RCAN2: variants seen among roughly 807,000 people sequenced by gnomAD.
The protein encoded by RCAN2 is calcipressin-2.
A neutral mutation model predicts 23.6 loss-of-function variants in RCAN2; 9 were observed. The ratio of observed to expected loss-of-function variants is 0.38; its 90% CI spans 0.23 to 0.67. The LOEUF (loss-of-function observed/expected upper bound fraction) is 0.67, where lower values mean the gene tolerates loss of function less well. Ranked by LOEUF, RCAN2 falls within the 30% of genes least tolerant of loss-of-function variation. The pLI is 0.51. For missense variants in RCAN2, 273 were observed against 302.3 expected (o/e 0.90, Z 0.72); for synonymous variants, 109 against 115.7 (o/e 0.94, Z 0.37).
chr6:46,411,687 T>C (rs1382226152), intron 2 of RCAN2, among the ~76,000 whole-genome samples: 2 of 151,780 alleles, frequency 1.3e-5, no homozygotes. Flanking sequence ...AATGTGAGAG[T>C]AAGTCCAATC....
At chr6:46,446,988 T>A (rs192502114) in intron 2 of RCAN2, among the ~76,000 whole-genome samples, 1 of 152,184 alleles carries the variant, frequency 6.6e-6, no homozygotes, top group Non-Finnish European at 1.5e-5. Flanking sequence ...TTCTTACCTA[T>A]CAATTAATTC....
rs1763256330 is a variant in RCAN2, at chr6:46,311,433, C to T, written c.226-62537G>A. Among the ~76,000 whole-genome samples, 3 of 152,244 alleles carry T rather than the reference C, an allele frequency of 2.0e-5. No homozygotes were observed. In the South Asian group the frequency reaches 6.2e-4, roughly 32 times the overall value. On this transcript the variant is annotated intron_variant, in intron 2 of 4. Transcript: ENST00000371374. ...TACTCTGGGTTTGATCAGAAATGGT[C>T]CTGTCATCTGTTAATAGAGATCTAC... is the stretch of plus-strand genomic sequence containing the variant.
At chr6:46,412,867 AGAG>A (rs1274787074) in intron 2 of RCAN2, among the ~76,000 whole-genome samples, 1 of 152,172 alleles carries the variant, frequency 6.6e-6, no homozygotes, top group Non-Finnish European at 1.5e-5. Context: ...AGCTTTTGCC[AGAG>A]GAGGAAGCCA....
At position 46,432,198 on chromosome 6, in the gene RCAN2, T is replaced by TTTTTG. The variant is rs533393364; in HGVS notation, c.225+24549_225+24553dup. ...GTGTAAGCTTTAGTGTTTTGGGGGT[T>TTTTTG]TTTTGTTTTGTTTTGTTTTGTTTTG... On this transcript the variant is annotated intron_variant, in intron 2 of 4. Coordinates refer to ENST00000371374, the MANE Select transcript of RCAN2 (RefSeq NM_001251974.2). Among the ~76,000 whole-genome samples, 982 of 152,120 alleles carry TTTTTG rather than the reference T, an allele frequency of 6.5e-3. 12 individuals carry two copies. The highest frequency in any genetic ancestry group is 0.022 in the African/African-American group (899 of 41,504).
chr6:46,445,524 A>T lies in RCAN2; in HGVS notation c.225+11228T>A, dbSNP rs544466277. ...GCATAGAAACTAATACACAGTCACA[A>T]GAATTAGAAACAATCAGGGAAACGT... On this transcript the variant is annotated intron_variant, in intron 2 of 4. Transcript: ENST00000371374. 2.6e-5 allele frequency among the ~76,000 whole-genome samples: 4 copies of T among 152,384 alleles called. No homozygotes were observed. In the East Asian group the frequency reaches 7.7e-4, roughly 29 times the overall value.
At chr6:46,294,059 G>T (rs1762645024) in intron 2 of RCAN2, among the ~76,000 whole-genome samples, 1 of 152,134 alleles carries the variant, frequency 6.6e-6, no homozygotes, top group African/African-American at 2.4e-5. Context: ...CCAAGCTAAG[G>T]CATTTCAACC....
intron 2 of RCAN2, among the ~76,000 whole-genome samples, chr6:46,250,564 C>A (rs560429843): frequency 6.6e-6 from 1 of 152,244 alleles, no homozygotes; most frequent in Admixed American, 6.5e-5. Context: ...CATCATTTTA[C>A]GAGTCAGAAC....
At chr6:46,336,673 T>C (rs1764155087) in intron 2 of RCAN2, among the ~76,000 whole-genome samples, 1 of 152,166 alleles carries the variant, frequency 6.6e-6, no homozygotes. Flanking sequence ...AGTGGGCATA[T>C]TGCATCCAGT....
intron 2 of RCAN2, among the ~76,000 whole-genome samples, chr6:46,348,487 T>C (rs148657152): frequency 0.017 from 2,655 of 152,234 alleles, 57 homozygotes; most frequent in South Asian, 0.12. Flanking sequence ...AGGGCCCCAC[T>C]CCCTGCCCAA....
intron 2 of RCAN2, among the ~76,000 whole-genome samples, chr6:46,417,474 T>G (rs1369413841): frequency 6.6e-6 from 1 of 152,234 alleles, no homozygotes; most frequent in Non-Finnish European, 1.5e-5. Context: ...GATTAAAATT[T>G]AGTTTTAAAA....
intron 2 of RCAN2, among the ~76,000 whole-genome samples, chr6:46,374,642 T>C (rs1163088982): frequency 1.3e-5 from 2 of 152,180 alleles, no homozygotes; most frequent in East Asian, 3.9e-4. Context: ...GGCCTAAATT[T>C]GACAATGAAA....
At chr6:46,247,037 C>T (rs761188040) in intron 3 of RCAN2, 118 bp from the exon 4 acceptor site, 25 of 784,624 alleles carry the variant, frequency 3.2e-5, no homozygotes, top group Non-Finnish European at 4.4e-5. Context: ...TGAACCCGAC[C>T]GTAATAATAA....
rs1237396739 is a variant in RCAN2, at chr6:46,435,730, G to A, written c.225+21022C>T. Among the ~76,000 whole-genome samples, 5 of 152,298 alleles carry A rather than the reference G, an allele frequency of 3.3e-5. No individual in the cohort carries two copies. In the South Asian group the frequency reaches 8.3e-4, roughly 25 times the overall value. The stretch of plus-strand genomic sequence containing the variant: ...AGTTTTCTTTAGGAACTGATGCAAC[G>A]ACAGAATGGAAAGCAAAACAGGAAG... On this transcript the variant is annotated intron_variant, in intron 2 of 4. Transcript: ENST00000371374.
At position 46,353,435 on chromosome 6, in the gene RCAN2, C is replaced by T. The variant is rs535957205; in HGVS notation, c.225+103317G>A. ...GCAGGTGGGAGCAACTGGAATCTGA[C>T]AGATCCTGCACAGACAATCCTTAGT... On this transcript the variant is annotated intron_variant, in intron 2 of 4. Coordinates refer to ENST00000371374, the MANE Select transcript of RCAN2 (RefSeq NM_001251974.2). Among the ~76,000 whole-genome samples the T allele has an allele frequency of 2.6e-5, 4 of 152,256 alleles. No individual in the cohort carries two copies. The South Asian group carries it at 6.2e-4, about 24-fold the overall frequency.
chr6:46,450,752 G>A (rs1037157411), intron 2 of RCAN2, among the ~76,000 whole-genome samples: 6 of 152,100 alleles, frequency 3.9e-5, no homozygotes, highest in South Asian at 4.1e-4. Flanking sequence ...CATAGAAACC[G>A]AGAGTAGAAT....
chr6:46,460,518 T>TA (rs1768176089), intron 1 of RCAN2, among the ~76,000 whole-genome samples: 1 of 152,212 alleles, frequency 6.6e-6, no homozygotes, highest in South Asian at 2.1e-4. Flanking sequence ...GAGGCCATTT[T>TA]CCGGGAGGGC....
At chr6:46,429,519 G>C (rs921657091) in intron 2 of RCAN2, among the ~76,000 whole-genome samples, 1 of 152,146 alleles carries the variant, frequency 6.6e-6, no homozygotes, top group Non-Finnish European at 1.5e-5. Context: ...ATATTATCTT[G>C]AGAGTTATCA....
intron 2 of RCAN2, 21 bp downstream of exon 2, chr6:46,456,731 G>A (rs1334293478): frequency 4.7e-6 from 7 of 1,494,030 alleles, no homozygotes; most frequent in Non-Finnish European, 5.5e-6. Context: ...CATGTTTTAG[G>A]AACAGAAAAA....
intron 4 of RCAN2, among the ~76,000 whole-genome samples, chr6:46,246,285 C>G (rs1429259095): frequency 6.6e-6 from 1 of 152,144 alleles, no homozygotes; most frequent in African/African-American, 2.4e-5. Flanking sequence ...TTCTTAGGAA[C>G]TTGGAGGTTC....
Sources: allele counts gnomAD v4.1 joint callset (sites outside exome capture counted in the v4.1 genomes callset), GRCh38; gene constraint gnomAD v4.1.1; transcripts MANE v1.5; gene names NCBI Gene and HGNC (gene_info 2026-07-23, HGNC 2026-07-21).